ZNF101: variants seen among roughly 807,000 people sequenced by gnomAD.
ZNF101 encodes zinc finger protein 101, also known as zinc finger protein 101 (Y2).
In ZNF101, 34 loss-of-function variants were observed where a neutral mutation model predicts 42.6. The observed-to-expected ratio is 0.80, with a 90% CI of 0.61 to 1.06. The LOEUF (loss-of-function observed/expected upper bound fraction) is 1.06, where lower values mean the gene tolerates loss of function less well. Among genes scored for constraint, ZNF101 ranks in the 50% least tolerant of loss-of-function variants. The probability of loss-of-function intolerance (pLI) is 0.00; values close to 1 mark genes in which losing one functional copy is unlikely to be tolerated. For missense variants in ZNF101, 466 were observed against 530.9 expected, an observed-to-expected ratio of 0.88 and a Z score of 1.20; for synonymous variants, 158 against 183.9, an observed-to-expected ratio of 0.86 and a Z score of 1.14.
At position 19,679,362 on chromosome 19, in the gene ZNF101, G is replaced by C; in HGVS notation, c.373G>C (p.Ala125Pro). The change falls in exon 4 of 4, where the codon GCT becomes CCT. Residue 125 changes from alanine to proline, a missense_variant. Coordinates refer to ENST00000592502, the MANE Select transcript of ZNF101 (RefSeq NM_033204.4). ...CCTGGACAGGCACATGAGAGCTCATGCTGGACACAAACGATCTGAGTGTGG... is the reference window on the plus strand; with the variant it reads ...CCTGGACAGGCACATGAGAGCTCATCCTGGACACAAACGATCTGAGTGTGG... ...SFLDRHMRAH[A>P]GHKRSECGGE... 1 of 1,614,116 alleles carries C rather than the reference G, an allele frequency of 6.2e-7. No individual in the cohort carries two copies. The highest frequency in any genetic ancestry group is 8.5e-7 in the Non-Finnish European group (1 of 1,180,044).
rs747114470 is a variant in ZNF101 at position 19,679,775 on chromosome 19, C to T, written c.786C>T (p.Phe262=). 1 of 1,612,944 alleles carries T rather than the reference C, an allele frequency of 6.2e-7. No homozygotes were observed. The highest frequency in any genetic ancestry group is 1.1e-5 in the South Asian group (1 of 90,998). The change falls in exon 4 of 4, where the codon TTC becomes TTT. Residue 262 remains phenylalanine (F), a synonymous_variant. Transcript: ENST00000592502. Reference sequence around the variant, plus strand: ...AATGTAAACAATGTGGTAAAGCCTTCATTTCCGCAGGTTACCTTCGGACAC... The same window carrying T: ...AATGTAAACAATGTGGTAAAGCCTTTATTTCCGCAGGTTACCTTCGGACAC... ...PYKCKQCGKA[F]ISAGYLRTHE... is the part of the protein sequence containing the mutation.
chr19:19,668,647 G>C, upstream of ZNF101: 1 of 382,128 alleles, frequency 2.6e-6, no homozygotes, highest in Non-Finnish European at 4.8e-6. Flanking sequence ...GGTAGCACCT[G>C]TCAGTCACAC....
intron 1 of ZNF101, among the ~76,000 whole-genome samples, chr19:19,670,998 C>A (rs1272311816): frequency 2.6e-5 from 4 of 152,198 alleles, no homozygotes; most frequent in African/African-American, 9.6e-5. Flanking sequence ...CCCAGATATT[C>A]TGGAGGCTGA....
rs1474550566 is a variant in ZNF101, at chr19:19,682,178, C to T, written c.*1878C>T. On this transcript the variant is annotated 3_prime_UTR_variant, in exon 4 of 4. Coordinates refer to ENST00000592502, the MANE Select transcript of ZNF101 (RefSeq NM_033204.4). ...GACCTTGTGATCCGCCCTCCTTGGC[C>T]TCCCAAAGTGCTGAGATTACAGGTG... 1 of 151,262 alleles carries T rather than the reference C, an allele frequency of 6.6e-6. No individual in the cohort carries two copies. Among genetic ancestry groups the T allele is most frequent in the Non-Finnish European group, 1.5e-5 (1 of 67,940 alleles). 9.4% of individuals were successfully genotyped at this position (151,262 alleles called of 1,614,324 possible). A position where few individuals can be genotyped will look rare whatever the true frequency, so the allele number is the denominator to read the frequency against.
chr19:19,679,618 G>C lies in ZNF101; in HGVS notation c.629G>C (p.Ser210Thr). 1 of 1,612,930 alleles carries C rather than the reference G, an allele frequency of 6.2e-7. No individual in the cohort carries two copies. The change falls in exon 4 of 4, where the codon AGT (serine) becomes ACT (threonine). Residue 210 changes from serine (S) to threonine (T), a missense_variant. Physicochemically the swap from Ser to Thr is moderately conservative, Grantham distance 58 (BLOSUM62 1). Coordinates refer to ENST00000592502, the MANE Select transcript of ZNF101 (RefSeq NM_033204.4). ...ATAGTGAGAGCCTTCACAGTTTCCA[G>C]TTTCTTTCGAAAACATGGAAAAATG... ...REIVRAFTVS[S>T]FFRKHGKMHT...
intron 1 of ZNF101, among the ~76,000 whole-genome samples, chr19:19,673,109 TA>T (rs1217435907): frequency 6.6e-6 from 1 of 151,726 alleles, no homozygotes; most frequent in Non-Finnish European, 1.5e-5. Flanking sequence ...CACGCCTGGC[TA>T]ATTTTTTTTT....
In ZNF101 at chr19:19,675,077, C is replaced by T. The variant is rs1474062775; in HGVS notation, c.4-2787C>T. Among the ~76,000 whole-genome samples the T allele has an allele frequency of 2.6e-5, 4 of 152,198 alleles. No homozygotes were observed. In the East Asian group the frequency reaches 7.7e-4, roughly 29 times the overall value. ...CCTTGTGATCCACCCTCCTCTGCCT[C>T]CCAAAGTGCTGAGGTTACAGGCATG... is the stretch of plus-strand genomic sequence containing the variant. On this transcript the variant is annotated intron_variant, in intron 1 of 3. Transcript: ENST00000592502.
chr19:19,674,063 A>G (rs1422288778), intron 1 of ZNF101, among the ~76,000 whole-genome samples: 1 of 151,942 alleles, frequency 6.6e-6, no homozygotes, highest in East Asian at 1.9e-4. Context: ...AAGTGCTGGG[A>G]TTACAGATGT....
chr19:19,668,837 C>T (rs2062149902), upstream of ZNF101: 9 of 1,248,968 alleles, frequency 7.2e-6, no homozygotes, highest in East Asian at 2.4e-4. Flanking sequence ...CGCCGGCCCC[C>T]CATTCGGGTC....
intron 1 of ZNF101, chr19:19,676,544 C>G (rs1351903586): frequency 2.0e-5 from 3 of 152,184 alleles, no homozygotes; most frequent in Admixed American, 2.0e-4. Flanking sequence ...ATTCAGAAGG[C>G]TTTGACAATT....
chr19:19,671,090 G>C (rs995356709), intron 1 of ZNF101, among the ~76,000 whole-genome samples: 1 of 152,176 alleles, frequency 6.6e-6, no homozygotes, highest in African/African-American at 2.4e-5. Flanking sequence ...CTGCGCGACA[G>C]AGCGAGACTC....
At chr19:19,670,987 T>C (rs546720142) in intron 1 of ZNF101, among the ~76,000 whole-genome samples, 78 of 152,292 alleles carry the variant, frequency 5.1e-4, no homozygotes, top group African/African-American at 1.8e-3. Flanking sequence ...GCGCCTGTAG[T>C]CCCAGATATT....
intron 1 of ZNF101, among the ~76,000 whole-genome samples, chr19:19,669,652 T>G (rs1459291136): frequency 2.0e-5 from 3 of 152,062 alleles, no homozygotes; most frequent in Non-Finnish European, 4.4e-5. Context: ...CGCCACCACG[T>G]CCGGCTAACT....
intron 1 of ZNF101, among the ~76,000 whole-genome samples, chr19:19,675,241 G>A (rs559331409): frequency 6.6e-6 from 1 of 152,142 alleles, no homozygotes; most frequent in Admixed American, 6.6e-5. Flanking sequence ...GGGTTCATGG[G>A]ATTCTCCTGC....
At chr19:19,672,741 A>G (rs1276029095) in intron 1 of ZNF101, among the ~76,000 whole-genome samples, 2 of 151,992 alleles carry the variant, frequency 1.3e-5, no homozygotes, top group Non-Finnish European at 2.9e-5. Context: ...TGGCTAGGCC[A>G]GTCTGAAACT....
chr19:19,674,863 C>T (rs768334429), intron 1 of ZNF101, among the ~76,000 whole-genome samples: 3 of 151,960 alleles, frequency 2.0e-5, no homozygotes, highest in African/African-American at 4.8e-5. Context: ...TTTTGTCGCC[C>T]AGGATGGAGT....
In ZNF101 at chr19:19,681,877, G is replaced by A. The variant is rs1210963714; in HGVS notation, c.*1577G>A. ...AATCATGAATGAGTTATTACACAAAGTTATAAATATATAGCATTTATCAGT... is the reference window on the plus strand; with the variant it reads ...AATCATGAATGAGTTATTACACAAAATTATAAATATATAGCATTTATCAGT... On this transcript the variant is annotated 3_prime_UTR_variant, in exon 4 of 4. Transcript: ENST00000592502. 6.7e-6 allele frequency: 1 copy of A among 149,982 alleles called. No individual in the cohort carries two copies. The highest frequency in any genetic ancestry group is 1.5e-5 in the Non-Finnish European group (1 of 67,626). The allele number at this position is 149,982 out of a possible 1,614,324, so 9.3% of individuals were successfully genotyped here.
rs753347577 is a variant in ZNF101 at position 19,680,049 on chromosome 19, C to T, written c.1060C>T (p.Arg354Ter). The T allele has an allele frequency of 1.7e-5, 27 of 1,613,696 alleles. No individual in the cohort carries two copies. The highest frequency in any genetic ancestry group is 6.7e-5 in the East Asian group (3 of 44,880). Residue 354 changes from arginine (R) to a stop codon, truncating the protein, a stop_gained, in exon 4 of 4, where the codon CGA becomes TGA. Transcript: ENST00000592502. LOFTEE classifies it high-confidence loss of function. ...GKTFNYPSCF[R>*]RHKKTHSGEK... ...AACCTTCAATTATCCCAGTTGTTTTCGAAGACATAAAAAAACTCATAGTGG... is the reference window on the plus strand; with the variant it reads ...AACCTTCAATTATCCCAGTTGTTTTTGAAGACATAAAAAAACTCATAGTGG...
intron 1 of ZNF101, chr19:19,676,467 T>TA (rs1376663187): frequency 6.6e-6 from 1 of 152,178 alleles, no homozygotes; most frequent in Non-Finnish European, 1.5e-5. Context: ...ATCTCTCTGC[T>TA]AATAGTATGC....
Sources: gnomAD v4.1 joint callset for allele counts (sites outside exome capture counted in the v4.1 genomes callset) on GRCh38, gnomAD v4.1.1 for gene constraint, MANE v1.5 for transcripts, NCBI Gene and HGNC (gene_info 2026-07-23, HGNC 2026-07-21) for gene names.